The following LRBA variants were observed in gnomAD, a reference collection of about 807,000 sequenced individuals.
The protein encoded by LRBA is LPS responsive beige-like anchor protein, also known as lipopolysaccharide-responsive and beige-like anchor protein.
In LRBA, 176 loss-of-function variants were observed where a neutral mutation model predicts 330.0. The observed-to-expected ratio is 0.53, with a 90% CI of 0.47 to 0.60. The LOEUF (loss-of-function observed/expected upper bound fraction) is 0.60. LRBA is among the 20% of genes least tolerant of loss of function. The pLI, the probability that LRBA is intolerant of heterozygous loss-of-function variation, is 0.00. For missense variants in LRBA, 3,259 were observed against 3,444.8 expected, an observed-to-expected ratio of 0.95 and a Z score of 1.35; for synonymous variants, 1,230 against 1,193.0, an observed-to-expected ratio of 1.03 and a Z score of -0.64.
rs145046075 is a variant in LRBA at position 150,748,525 on chromosome 4, G to C, written c.5646-13159C>G. ...CTACTAAAACTACAAAAACTAGCTG[G>C]GCATGGTGGTGGGCACCTGTAATCC... On this transcript the variant is annotated intron_variant, in intron 35 of 56. Transcript: ENST00000651943. Among the ~76,000 whole-genome samples, 1,019 of 152,144 alleles carry C rather than the reference G, an allele frequency of 6.7e-3. 42 individuals are homozygous for C. Among genetic ancestry groups the C allele is most frequent in the Admixed American group, 0.052 (788 of 15,270 alleles).
intron 40 of LRBA, chr4:150,579,815 C>T (rs1771033251): frequency 2.3e-6 from 1 of 438,330 alleles, no homozygotes; most frequent in African/African-American, 2.0e-5. Flanking sequence ...TGTTTGCAAA[C>T]ACTCACTCTC....
At chr4:150,446,698 CT>C (rs962936003) in intron 44 of LRBA, among the ~76,000 whole-genome samples, 5 of 152,188 alleles carry the variant, frequency 3.3e-5, no homozygotes, top group African/African-American at 1.2e-4. Context: ...GCAAAATCCA[CT>C]AGTCGAATAA....
intron 40 of LRBA, among the ~76,000 whole-genome samples, chr4:150,519,985 T>C (rs186719008): frequency 3.3e-5 from 5 of 152,320 alleles, no homozygotes; most frequent in Admixed American, 3.3e-4. Flanking sequence ...CTGCCTTCCT[T>C]TATCAAGTCC....
intron 42 of LRBA, among the ~76,000 whole-genome samples, chr4:150,485,787 C>T (rs565912231): frequency 6.6e-6 from 1 of 152,050 alleles, no homozygotes; most frequent in African/African-American, 2.4e-5. Flanking sequence ...TATGACAGCC[C>T]TAGAAAACTA....
rs1783266861 is a variant in LRBA, at chr4:150,683,793, C to T, written c.5755-76G>A. ...AAATCCATTATGAAATAATCTTTAC[C>T]CTAAATCAAAACAACCAAAATTTTA... On this transcript the variant is annotated intron_variant, in intron 36 of 56. Coordinates refer to ENST00000651943, the MANE Select transcript of LRBA (RefSeq NM_001364905.1). 3 of 1,191,538 alleles carry T rather than the reference C, an allele frequency of 2.5e-6. No individual in the cohort carries two copies. The Admixed American group carries it at 8.4e-5, about 33-fold the overall frequency. The allele number at this position is 1,191,538 out of a possible 1,614,324, so 73.8% of individuals were successfully genotyped here.
intron 48 of LRBA, among the ~76,000 whole-genome samples, chr4:150,332,923 T>C (rs533812708): frequency 1.3e-5 from 2 of 152,246 alleles, no homozygotes; most frequent in South Asian, 4.1e-4. Context: ...ATGAAGAGAT[T>C]TTCAACAAGC....
intron 38 of LRBA, among the ~76,000 whole-genome samples, chr4:150,592,203 C>T (rs1393863850): frequency 7.5e-6 from 1 of 133,626 alleles, no homozygotes; most frequent in Non-Finnish European, 1.6e-5. Context: ...GGCATAAGGC[C>T]CAAACCCCAG....
intron 35 of LRBA, among the ~76,000 whole-genome samples, chr4:150,752,818 C>T (rs1431500802): frequency 1.3e-5 from 2 of 151,966 alleles, no homozygotes; most frequent in African/African-American, 4.8e-5. Flanking sequence ...AGCAAAAAGA[C>T]CAGGCTGCAA....
At chr4:150,610,449 C>T (rs768243934) in intron 37 of LRBA, among the ~76,000 whole-genome samples, 6 of 152,040 alleles carry the variant, frequency 3.9e-5, no homozygotes, top group Non-Finnish European at 8.8e-5. Flanking sequence ...ATTATCTGGG[C>T]GTGGTGGTGT....
chr4:150,401,286 G>C (rs1745431270), intron 47 of LRBA, among the ~76,000 whole-genome samples: 1 of 152,218 alleles, frequency 6.6e-6, no homozygotes, highest in African/African-American at 2.4e-5. Context: ...TGTTGTTTAA[G>C]CCATGCAGTT....
chr4:150,415,416 G>A (rs1315633246), intron 47 of LRBA, 22 bp downstream of exon 47: 5 of 1,609,136 alleles, frequency 3.1e-6, no homozygotes, highest in Non-Finnish European at 4.2e-6. Context: ...ATGACAGACA[G>A]AGTAGATGAT....
At chr4:150,448,831 G>C (rs1323526856) in intron 44 of LRBA, among the ~76,000 whole-genome samples, 3 of 122,358 alleles carry the variant, frequency 2.5e-5, no homozygotes, top group African/African-American at 6.5e-5. Flanking sequence ...AAGGGGGGGG[G>C]GGTGGGCAGG....
chr4:150,515,558 T>C (rs1443842683), intron 40 of LRBA, among the ~76,000 whole-genome samples: 10 of 152,128 alleles, frequency 6.6e-5, no homozygotes, highest in Non-Finnish European at 1.2e-4. Context: ...ATAAGCACTA[T>C]GCATGGGTTA....
intron 52 of LRBA, among the ~76,000 whole-genome samples, chr4:150,303,767 G>T (rs1729993717): frequency 1.3e-5 from 2 of 151,984 alleles, no homozygotes; most frequent in African/African-American, 4.8e-5. Context: ...TAGAGACGGG[G>T]TTTCACTGTG....
chr4:150,817,308 T>C, intron 30 of LRBA, 51 bp from the exon 31 acceptor site: 2 of 1,531,190 alleles, frequency 1.3e-6, no homozygotes, highest in Non-Finnish European at 1.8e-6. Flanking sequence ...ATCTCTTGAA[T>C]TAATTACATG....
chr4:150,520,549 A>G (rs1762817210), intron 40 of LRBA, among the ~76,000 whole-genome samples: 1 of 152,184 alleles, frequency 6.6e-6, no homozygotes, highest in Admixed American at 6.5e-5. Flanking sequence ...ATGCCCATCA[A>G]TGGTAGATCA....
chr4:150,848,284 G>T (rs189659471), intron 26 of LRBA, among the ~76,000 whole-genome samples: 1,735 of 152,088 alleles, frequency 0.011, 31 homozygotes, highest in African/African-American at 0.039. Flanking sequence ...CAAAGAGCTG[G>T]GATTACAGGT....
At chr4:150,470,870 CA>C (rs879661288) in intron 43 of LRBA, among the ~76,000 whole-genome samples, 1,725 of 123,954 alleles carry the variant, frequency 0.014, 16 homozygotes, top group Non-Finnish European at 0.022. Context: ...CACACACACA[CA>C]CACACCACAC....
chr4:150,487,929 G>A (rs1272964296), intron 41 of LRBA, 95 bp from the exon 42 acceptor site: 3 of 554,780 alleles, frequency 5.4e-6, no homozygotes, highest in Non-Finnish European at 9.8e-6. Context: ...TTTTAATTCA[G>A]GTATCTATTA....
Sources: allele counts gnomAD v4.1 joint callset (sites outside exome capture counted in the v4.1 genomes callset), GRCh38; gene constraint gnomAD v4.1.1; transcripts MANE v1.5; gene names NCBI Gene and HGNC (gene_info 2026-07-23, HGNC 2026-07-21).